The following KIFC3 variants were observed in gnomAD, a reference collection of about 807,000 sequenced individuals.
KIFC3 encodes kinesin-like protein KIFC3.
A neutral mutation model predicts 101.8 loss-of-function variants in KIFC3; 60 were observed. That is an observed-to-expected ratio of 0.59 (90% CI 0.48 to 0.73). KIFC3 has a LOEUF of 0.73. Among genes scored for constraint, KIFC3 ranks in the 30% least tolerant of loss-of-function variants. KIFC3 has a pLI of 0.00. For missense variants in KIFC3, 966 were observed against 1,137.1 expected (o/e 0.85, Z 2.16); for synonymous variants, 476 against 482.7 (o/e 0.99, Z 0.18).
intron 2 of KIFC3, among the ~76,000 whole-genome samples, chr16:57,795,664 G>A (rs74022052): frequency 0.11 from 16,393 of 152,060 alleles, 979 homozygotes; most frequent in Middle Eastern, 0.19. Context: ...CTGACACACC[G>A]CCTCCCTCAC....
intron 1 of KIFC3, among the ~76,000 whole-genome samples, chr16:57,824,711 A>G (rs1351759891): frequency 1.3e-5 from 2 of 152,086 alleles, no homozygotes; most frequent in Non-Finnish European, 2.9e-5. Flanking sequence ...AAACAGAAAA[A>G]CAAAAGATTC....
At chr16:57,825,643 A>C (rs1477199466) in intron 1 of KIFC3, among the ~76,000 whole-genome samples, 1 of 151,826 alleles carries the variant, frequency 6.6e-6, no homozygotes, top group African/African-American at 2.4e-5. Flanking sequence ...AACAATTCTG[A>C]GGTTGTTTTC....
chr16:57,822,666 C>T (rs1170221895), intron 1 of KIFC3, among the ~76,000 whole-genome samples: 1 of 152,064 alleles, frequency 6.6e-6, no homozygotes, highest in Admixed American at 6.6e-5. Context: ...CATTGCACTC[C>T]AGCCTGGGCG....
chr16:57,797,936 C>T, intron 2 of KIFC3, 136 bp downstream of exon 2: 1 of 1,530,752 alleles, frequency 6.5e-7, no homozygotes, highest in South Asian at 1.2e-5. Flanking sequence ...GCCCGCCTGG[C>T]TCTGGGCTGT....
intron 9 of KIFC3, 61 bp from the exon 10 acceptor site, chr16:57,767,046 G>GCC: frequency 7.2e-7 from 1 of 1,391,240 alleles, no homozygotes; most frequent in Non-Finnish European, 1.0e-6. Flanking sequence ...CGGCCTGACT[G>GCC]CCCACCCCTG....
intron 1 of KIFC3, among the ~76,000 whole-genome samples, chr16:57,828,558 G>C (rs1241938963): frequency 2.0e-5 from 3 of 152,228 alleles, no homozygotes; most frequent in Non-Finnish European, 4.4e-5. Context: ...GGGCCCCGCG[G>C]CATTGGACCA....
chr16:57,774,937 C>A, intron 3 of KIFC3: 1 of 1,488,606 alleles, frequency 6.7e-7, no homozygotes, highest in Middle Eastern at 1.7e-4. Context: ...CCCCTCCCTC[C>A]CCAGAAAGGC....
intron 3 of KIFC3, chr16:57,788,565 C>T (rs1290506368): frequency 3.9e-6 from 5 of 1,284,592 alleles, no homozygotes; most frequent in East Asian, 5.6e-5. Context: ...GGCGGGCAGG[C>T]CTGCTTTACC....
rs551721263 is a variant in KIFC3 at position 57,824,407 on chromosome 16, G to T, written c.109-26125C>A. Among the ~76,000 whole-genome samples, 3 of 152,312 alleles carry T rather than the reference G, an allele frequency of 2.0e-5. No homozygotes were observed. The East Asian group carries it at 5.8e-4, about 29-fold the overall frequency. On this transcript the variant is annotated intron_variant, in intron 1 of 2. Transcript: ENST00000563028. ...AGAACAAGATTCCAAGTAGGGCTGG[G>T]TGCAGTGGCTCACACCTGTAATCCC... is the stretch of plus-strand genomic sequence containing the variant.
chr16:57,783,389 A>G (rs1555615829), intron 3 of KIFC3, among the ~76,000 whole-genome samples: 6 of 148,980 alleles, frequency 4.0e-5, no homozygotes, highest in African/African-American at 2.5e-5. Flanking sequence ...TAATATACTT[A>G]CCACCGACCA....
At chr16:57,847,472 G>A (rs2055956760) in intron 1 of KIFC3, among the ~76,000 whole-genome samples, 2 of 152,058 alleles carry the variant, frequency 1.3e-5, no homozygotes, top group African/African-American at 4.8e-5. Context: ...ACATGCAGCT[G>A]GTGTCACAGA....
chr16:57,761,492 A>T lies in KIFC3; in HGVS notation c.1793T>A (p.Leu598Gln), dbSNP rs1243253648. 4.3e-6 allele frequency: 7 copies of T among 1,613,866 alleles called. No individual in the cohort carries two copies. Among genetic ancestry groups the T allele is most frequent in the Non-Finnish European group, 5.9e-6 (7 of 1,179,860 alleles). The change falls in exon 14 of 20, where the codon CTG becomes CAG. Residue 598 changes from leucine (L) to glutamine (Q), a missense_variant. By Grantham distance (113) the Leu-to-Gln change is moderately radical. This residue lies in a region of KIFC3 where 689 missense variants were observed against 884.6 expected (regional missense o/e 0.78). Transcript: ENST00000445690. ...KEPQEKLEIR[L>Q]CPDGSGQLYV... ...CAGCTGCCCACTGCCGTCTGGGCAC[A>T]GCCGGATCTCCAGTTTTTCCTGAGG...
chr16:57,766,456 C>G (rs1555603035), intron 10 of KIFC3, among the ~76,000 whole-genome samples: 2 of 152,242 alleles, frequency 1.3e-5, no homozygotes, highest in African/African-American at 4.8e-5. Flanking sequence ...GGGCCACGAC[C>G]ATAGCCTCGG....
Position 57,854,515 on chromosome 16 carries a change from C to T in KIFC3, c.108+8214G>A, listed in dbSNP as rs573357304. 2.6e-5 allele frequency among the ~76,000 whole-genome samples: 4 copies of T among 151,932 alleles called. No individual in the cohort carries two copies. The South Asian group carries it at 8.3e-4, about 31-fold the overall frequency. ...TGGTGGCATGCACCTGTAGTTCCAG[C>T]TACTTGGGAGGCTGAGGCAGGAGAA... On this transcript the variant is annotated intron_variant, in intron 1 of 2. Transcript: ENST00000563028.
chr16:57,820,290 G>A (rs1442713716), intron 1 of KIFC3, among the ~76,000 whole-genome samples: 1 of 152,118 alleles, frequency 6.6e-6, no homozygotes, highest in African/African-American at 2.4e-5. Flanking sequence ...TTTTTTGAGA[G>A]ACAAGATCTC....
chr16:57,780,957 G>A (rs2052666151), intron 3 of KIFC3, among the ~76,000 whole-genome samples: 1 of 151,910 alleles, frequency 6.6e-6, no homozygotes, highest in Non-Finnish European at 1.5e-5. Flanking sequence ...TTACAGGTGT[G>A]AGCCACCACA....
rs2054450243 is a variant in KIFC3, at chr16:57,797,711, T to G, written c.172+361A>C. 4.3e-6 allele frequency: 5 copies of G among 1,154,832 alleles called. No homozygotes were observed. In the South Asian group the frequency reaches 1.1e-4, roughly 24 times the overall value. The allele number at this position is 1,154,832 out of a possible 1,614,324, so 71.5% of individuals were successfully genotyped here. On this transcript the variant is annotated intron_variant, in intron 2 of 19. Transcript: ENST00000445690. Reference sequence around the variant, plus strand: ...AGGCAGCCACTTCACCTACCTTGTTTACCAGCCTGGGCAGAGACCGGAGCT... The same window carrying G: ...AGGCAGCCACTTCACCTACCTTGTTGACCAGCCTGGGCAGAGACCGGAGCT...
At chr16:57,798,651 C>T (rs1335107892) in intron 1 of KIFC3, 2 of 306,998 alleles carry the variant, frequency 6.5e-6, no homozygotes, top group Non-Finnish European at 1.2e-5. Flanking sequence ...AATCCTTTTC[C>T]TCCAAGACAT....
At chr16:57,808,563 T>C (rs1432100740) in intron 1 of KIFC3, among the ~76,000 whole-genome samples, 1 of 152,178 alleles carries the variant, frequency 6.6e-6, no homozygotes, top group Non-Finnish European at 1.5e-5. Flanking sequence ...TTTTTTTTTT[T>C]CTGCACAAAT....
Sources: allele counts gnomAD v4.1 joint callset (sites outside exome capture counted in the v4.1 genomes callset), GRCh38; gene constraint gnomAD v4.1.1; regional missense constraint gnomAD v4.1.1; transcripts MANE v1.5; gene names NCBI Gene and HGNC (gene_info 2026-07-23, HGNC 2026-07-21).